The following NRXN3 variants were observed in gnomAD, a reference collection of about 807,000 sequenced individuals.
NRXN3 encodes neurexin III.
A neutral mutation model predicts 137.6 loss-of-function variants in NRXN3; 32 were observed. That is an observed-to-expected ratio of 0.23 (90% CI 0.18 to 0.31). The LOEUF (loss-of-function observed/expected upper bound fraction) is 0.31. NRXN3 is among the 10% of genes least tolerant of loss of function. The pLI is 1.00. For synonymous variants in NRXN3, 798 were observed against 784.5 expected (o/e 1.02, Z -0.29); for missense variants, 1,574 against 2,062.5 (o/e 0.76, Z 4.59).
At chr14:79,059,720 C>T (rs2152650693) in intron 15 of NRXN3, among the ~76,000 whole-genome samples, 1 of 152,242 alleles carries the variant, frequency 6.6e-6, no homozygotes, top group African/African-American at 2.4e-5. Context: ...AGATAACCAT[C>T]CTTTTGTTTC....
intron 20 of NRXN3, among the ~76,000 whole-genome samples, 175 bp downstream of exon 20, chr14:79,805,365 G>A (rs527765096): frequency 6.6e-6 from 1 of 151,784 alleles, no homozygotes; most frequent in East Asian, 1.9e-4. Context: ...ATCAATGAAA[G>A]CATCAAATCC....
intron 4 of NRXN3, among the ~76,000 whole-genome samples, chr14:78,445,384 C>T (rs1041499462): frequency 1.3e-5 from 2 of 152,276 alleles, no homozygotes; most frequent in South Asian, 2.1e-4. Flanking sequence ...CAGATATAAG[C>T]GTGTGCTGTT....
chr14:79,530,932 A>G (rs1326236731), intron 16 of NRXN3, among the ~76,000 whole-genome samples: 1 of 152,132 alleles, frequency 6.6e-6, no homozygotes, highest in African/African-American at 2.4e-5. Flanking sequence ...TGTCCTTAGA[A>G]TTTATTGTTT....
chr14:78,717,853 T>G (rs1174208065), intron 8 of NRXN3, among the ~76,000 whole-genome samples: 2 of 152,194 alleles, frequency 1.3e-5, no homozygotes, highest in Non-Finnish European at 2.9e-5. Context: ...GTTTAACATG[T>G]GGTTAATGTT....
At chr14:79,805,306 G>A in intron 20 of NRXN3, 116 bp downstream of exon 20, 1 of 529,662 alleles carries the variant, frequency 1.9e-6, no homozygotes, top group Admixed American at 3.4e-5. Flanking sequence ...GTTAATGTGT[G>A]TATATTTTTA....
chr14:78,563,031 T>C (rs1485937999), intron 4 of NRXN3, among the ~76,000 whole-genome samples: 2 of 152,156 alleles, frequency 1.3e-5, no homozygotes, highest in African/African-American at 4.8e-5. Flanking sequence ...CTCATTCACA[T>C]AAATAGCTGG....
chr14:78,460,602 A>G (rs1352798710), intron 4 of NRXN3, among the ~76,000 whole-genome samples: 1 of 152,194 alleles, frequency 6.6e-6, no homozygotes, highest in African/African-American at 2.4e-5. Flanking sequence ...TATGTTTTTC[A>G]CACTGTCACA....
chr14:78,297,322 A>T (rs528833887), intron 3 of NRXN3, among the ~76,000 whole-genome samples: 57 of 152,296 alleles, frequency 3.7e-4, no homozygotes, highest in African/African-American at 1.3e-3. Flanking sequence ...GAGAAAAAAA[A>T]GTTGGATGGT....
At chr14:79,654,046 A>T (rs1043044547) in intron 16 of NRXN3, among the ~76,000 whole-genome samples, 2 of 152,202 alleles carry the variant, frequency 1.3e-5, no homozygotes, top group African/African-American at 2.4e-5. Flanking sequence ...TGGAACAGAG[A>T]CTTGGCTATT....
intron 4 of NRXN3, among the ~76,000 whole-genome samples, chr14:78,609,934 A>G (rs2097285502): frequency 6.6e-6 from 1 of 152,120 alleles, no homozygotes. Context: ...GCATGGTACC[A>G]GCAAACAGGG....
In NRXN3 at chr14:79,296,440, T is replaced by C. The variant is rs1472106439; in HGVS notation, c.3263-170781T>C. On this transcript the variant is annotated intron_variant, in intron 15 of 20. Transcript: ENST00000335750. ...GGCATGCAGGAGATGGGCTGAAATA[T>C]ACTTGGGAAAAAAAAAAAAACCAGA... is the stretch of plus-strand genomic sequence containing the variant. Among the ~76,000 whole-genome samples, 4 of 150,318 alleles carry C rather than the reference T, an allele frequency of 2.7e-5. No individual in the cohort carries two copies. The East Asian group carries it at 5.9e-4, about 22-fold the overall frequency.
At chr14:78,831,154 A>C (rs2098980474) in intron 10 of NRXN3, among the ~76,000 whole-genome samples, 1 of 152,196 alleles carries the variant, frequency 6.6e-6, no homozygotes, top group Non-Finnish European at 1.5e-5. Flanking sequence ...GACCAAGGTC[A>C]CGTAACTTAC....
chr14:79,293,503 C>T (rs2083521936), intron 15 of NRXN3, among the ~76,000 whole-genome samples: 1 of 152,244 alleles, frequency 6.6e-6, no homozygotes, highest in African/African-American at 2.4e-5. Context: ...AAGGCGAGGG[C>T]AACGTGCAAG....
chr14:78,698,245 A>G (rs2098246477), intron 6 of NRXN3: 1 of 152,028 alleles, frequency 6.6e-6, no homozygotes, highest in African/African-American at 2.4e-5. Flanking sequence ...TGCTTGCCTC[A>G]TGTGCTACTA....
intron 4 of NRXN3, among the ~76,000 whole-genome samples, chr14:78,620,188 C>T (rs1213339051): frequency 6.6e-6 from 1 of 152,048 alleles, no homozygotes; most frequent in Non-Finnish European, 1.5e-5. Flanking sequence ...ATGGTAGGGT[C>T]TAAAAAAAGA....
intron 15 of NRXN3, among the ~76,000 whole-genome samples, chr14:79,328,054 G>T (rs2091154198): frequency 6.6e-6 from 1 of 152,126 alleles, no homozygotes; most frequent in African/African-American, 2.4e-5. Context: ...AGGGTCCTGT[G>T]TGACTCTACC....
chr14:78,515,117 T>A (rs1312498539), intron 4 of NRXN3, among the ~76,000 whole-genome samples: 2 of 152,110 alleles, frequency 1.3e-5, no homozygotes, highest in African/African-American at 4.8e-5. Flanking sequence ...TGAAAACCGC[T>A]GTATTAAAGG....
chr14:79,383,951 T>G (rs1434278152), intron 15 of NRXN3, among the ~76,000 whole-genome samples: 6 of 152,174 alleles, frequency 3.9e-5, no homozygotes, highest in African/African-American at 1.4e-4. Context: ...GTATCATCAT[T>G]GCTATTCAAA....
chr14:79,511,786 T>C (rs1402127114), intron 16 of NRXN3, among the ~76,000 whole-genome samples: 1 of 152,214 alleles, frequency 6.6e-6, no homozygotes, highest in Non-Finnish European at 1.5e-5. Context: ...GGATGAACTT[T>C]TCAAGCTCAG....
Sources: gnomAD v4.1 joint callset for allele counts (sites outside exome capture counted in the v4.1 genomes callset) on GRCh38, gnomAD v4.1.1 for gene constraint, MANE v1.5 for transcripts, NCBI Gene and HGNC (gene_info 2026-07-23, HGNC 2026-07-21) for gene names.